Variants in CA10 observed in about 807,000 individuals in gnomAD.
CA10 encodes carbonic anhydrase-related protein 10.
A neutral mutation model predicts 44.2 loss-of-function variants in CA10; 14 were observed. That is an observed-to-expected ratio of 0.32 (90% CI 0.21 to 0.50). The LOEUF is 0.50. CA10 is among the 20% of genes least tolerant of loss of function. CA10 has a pLI of 0.99. For synonymous variants in CA10, 159 were observed against 141.6 expected (o/e 1.12, Z -0.87); for missense variants, 350 against 409.7 (o/e 0.85, Z 1.26).
intron 2 of CA10, among the ~76,000 whole-genome samples, chr17:52,047,632 A>G (rs889144668): frequency 6.6e-6 from 1 of 151,980 alleles, no homozygotes; most frequent in African/African-American, 2.4e-5. Context: ...GAAATGTACA[A>G]AAAGACAATA....
chr17:51,987,646 T>TA (rs569265735), intron 2 of CA10, among the ~76,000 whole-genome samples: 37 of 151,132 alleles, frequency 2.4e-4, no homozygotes, highest in East Asian at 1.8e-3. Context: ...AAGCAGAAAA[T>TA]AAAAAAAAGA....
chr17:51,872,009 G>C (rs941254128), intron 3 of CA10, among the ~76,000 whole-genome samples: 1 of 152,170 alleles, frequency 6.6e-6, no homozygotes, highest in African/African-American at 2.4e-5. Flanking sequence ...CCAGTGTCCT[G>C]TACAAGATGG....
rs1252393715 is a variant in CA10 at position 51,820,412 on chromosome 17, CCCCCCCG to C, written c.280-72601_280-72595del. Among the ~76,000 whole-genome samples the C allele has an allele frequency of 1.1e-3, 102 of 94,586 alleles. 7 individuals are homozygous for C. The highest frequency in any genetic ancestry group is 1.0e-3 in the Non-Finnish European group (47 of 46,900). The allele number at this position is 94,586 out of a possible 152,430, so 62.1% of individuals were successfully genotyped here. ...AAACCTGGGGATTCCCCTACCCCCCCCCCCCCGCCCGCCGATTTTCCTGTACAAAGTT... is the reference window on the plus strand; with the variant it reads ...AAACCTGGGGATTCCCCTACCCCCCCCCCGCCGATTTTCCTGTACAAAGTT... On this transcript the variant is annotated intron_variant, in intron 3 of 8. Coordinates refer to ENST00000451037, the MANE Select transcript of CA10 (RefSeq NM_020178.5).
intron 3 of CA10, among the ~76,000 whole-genome samples, chr17:51,845,956 G>A (rs1467800423): frequency 6.6e-6 from 1 of 152,214 alleles, no homozygotes; most frequent in African/African-American, 2.4e-5. Context: ...AAGCTTTAGA[G>A]GACATTCAAG....
chr17:51,824,367 T>C (rs1160290281), intron 3 of CA10, among the ~76,000 whole-genome samples: 19 of 152,148 alleles, frequency 1.2e-4, no homozygotes, highest in Admixed American at 1.2e-3. Context: ...TTGGCTGGTG[T>C]GGGGAAGAGA....
chr17:51,706,061 C>A (rs1011343578), intron 4 of CA10, among the ~76,000 whole-genome samples: 1 of 152,148 alleles, frequency 6.6e-6, no homozygotes, highest in Non-Finnish European at 1.5e-5. Context: ...AGTCATAGTT[C>A]CAGCACCGAG....
intron 2 of CA10, among the ~76,000 whole-genome samples, chr17:51,933,634 A>G (rs1175871011): frequency 6.6e-6 from 1 of 152,144 alleles, no homozygotes; most frequent in Non-Finnish European, 1.5e-5. Context: ...ACGGAAAAGT[A>G]ATACAGCACC....
chr17:52,126,265 G>A (rs932990030), intron 1 of CA10, among the ~76,000 whole-genome samples: 1 of 152,134 alleles, frequency 6.6e-6, no homozygotes, highest in East Asian at 1.9e-4. Context: ...GTGGCTATGA[G>A]GCTCACATAT....
intron 4 of CA10, among the ~76,000 whole-genome samples, chr17:51,737,317 G>A (rs142866091): frequency 1.8e-4 from 28 of 152,238 alleles, no homozygotes; most frequent in Non-Finnish European, 2.4e-4. Flanking sequence ...CTGAGACACA[G>A]TACATGCTCA....
chr17:51,882,646 C>T (rs1797278653), intron 3 of CA10, among the ~76,000 whole-genome samples: 1 of 152,150 alleles, frequency 6.6e-6, no homozygotes, highest in Admixed American at 6.5e-5. Context: ...GTGATGCTCC[C>T]TATGGCTTTT....
At chr17:51,635,185 C>T (rs1009296424) in intron 7 of CA10, among the ~76,000 whole-genome samples, 2 of 152,148 alleles carry the variant, frequency 1.3e-5, no homozygotes, top group Non-Finnish European at 2.9e-5. Flanking sequence ...AATTTGGACA[C>T]AGAGCCTCAG....
At chr17:51,840,240 T>C (rs1024417856) in intron 3 of CA10, among the ~76,000 whole-genome samples, 1 of 152,172 alleles carries the variant, frequency 6.6e-6, no homozygotes, top group African/African-American at 2.4e-5. Flanking sequence ...GAGAGCACAC[T>C]GCTAGCAAGG....
chr17:51,718,357 C>T (rs931503417), intron 4 of CA10, among the ~76,000 whole-genome samples: 12 of 151,918 alleles, frequency 7.9e-5, no homozygotes, highest in African/African-American at 2.4e-4. Context: ...AGAGAGAGGC[C>T]GAAGGTTGAG....
intron 4 of CA10, among the ~76,000 whole-genome samples, chr17:51,732,475 G>A (rs560918545): frequency 2.6e-5 from 4 of 152,282 alleles, no homozygotes; most frequent in East Asian, 1.9e-4. Flanking sequence ...AATTTGAGTC[G>A]GATGTGTCAA....
intron 2 of CA10, among the ~76,000 whole-genome samples, chr17:51,947,224 CAAAAAAAAAAAA>C (rs1198796736): frequency 3.8e-5 from 2 of 52,136 alleles, no homozygotes; most frequent in African/African-American, 1.5e-4. Context: ...TCTTCATGTG[CAAAAAAAAAAAA>C]AAAAAAAAAA....
chr17:52,035,429 C>T (rs1986589032), intron 2 of CA10, among the ~76,000 whole-genome samples: 1 of 152,198 alleles, frequency 6.6e-6, no homozygotes. Flanking sequence ...ATTTACCATT[C>T]TTCAATTTGT....
chr17:51,926,589 A>G (rs1982439605), intron 3 of CA10, among the ~76,000 whole-genome samples: 1 of 152,140 alleles, frequency 6.6e-6, no homozygotes, highest in Non-Finnish European at 1.5e-5. Context: ...TGGAAGCTCC[A>G]AGGAAGAATC....
chr17:51,993,378 C>T (rs936426877), intron 2 of CA10, among the ~76,000 whole-genome samples: 2 of 152,136 alleles, frequency 1.3e-5, no homozygotes, highest in African/African-American at 4.8e-5. Flanking sequence ...CGGACCTCTT[C>T]TGAAGCATAC....
intron 4 of CA10, among the ~76,000 whole-genome samples, chr17:51,675,351 G>A (rs1914585812): frequency 6.6e-6 from 1 of 152,096 alleles, no homozygotes; most frequent in Admixed American, 6.5e-5. Context: ...CCTGAGGTCA[G>A]GAGTTTGAGA....
Sources: allele counts gnomAD v4.1 joint callset (sites outside exome capture counted in the v4.1 genomes callset), GRCh38; gene constraint gnomAD v4.1.1; transcripts MANE v1.5; gene names NCBI Gene and HGNC (gene_info 2026-07-23, HGNC 2026-07-21).